Variants in PHTF2 observed in about 807,000 individuals in gnomAD.
PHTF2 encodes the protein putative homeodomain transcription factor 2.
In PHTF2, 60 loss-of-function variants were observed where a neutral mutation model predicts 101.2. The ratio of observed to expected loss-of-function variants is 0.59; its 90% CI spans 0.48 to 0.73. The LOEUF (loss-of-function observed/expected upper bound fraction) is 0.73, where lower values mean the gene tolerates loss of function less well. Ranked by LOEUF, PHTF2 falls within the 30% of genes least tolerant of loss-of-function variation. The probability of loss-of-function intolerance (pLI) is 0.00; values close to 1 mark genes in which losing one functional copy is unlikely to be tolerated. For missense variants in PHTF2, 747 were observed against 908.7 expected, an observed-to-expected ratio of 0.82 and a Z score of 2.29; for synonymous variants, 311 against 307.3, an observed-to-expected ratio of 1.01 and a Z score of -0.13.
At chr7:77,955,365 G>C (rs986887477) in exon 20 of PHTF2, 3 of 152,592 alleles carry the variant, frequency 2.0e-5, no homozygotes, top group African/African-American at 7.2e-5. Flanking sequence ...AACAATGCCA[G>C]GATCCAAACT....
chr7:77,812,911 A>G (rs764274683), intron 1 of PHTF2, among the ~76,000 whole-genome samples: 5 of 152,132 alleles, frequency 3.3e-5, no homozygotes, highest in South Asian at 2.1e-4. Flanking sequence ...ATAATCTTCT[A>G]TTGGATATTT....
At chr7:77,801,784 C>T (rs1466108967) in intron 1 of PHTF2, among the ~76,000 whole-genome samples, 1 of 152,146 alleles carries the variant, frequency 6.6e-6, no homozygotes, top group East Asian at 1.9e-4. Flanking sequence ...AATCCAAAAT[C>T]CAAAATGCTT....
At position 77,920,538 on chromosome 7, in the gene PHTF2, A is replaced by G. The variant is rs1562950810; in HGVS notation, c.963+73A>G. 10 of 1,105,734 alleles carry G rather than the reference A, an allele frequency of 9.0e-6. No individual in the cohort carries two copies. The East Asian group carries it at 1.7e-4, about 18-fold the overall frequency. 68.5% of individuals were successfully genotyped at this position (1,105,734 alleles called of 1,614,324 possible). ...CAATGTAAAGTGACTTAGATATAGT[A>G]GTTGCCCTTGAACTAAGTATTTTCT... On this transcript the variant is annotated intron_variant, in intron 10 of 19. Transcript: ENST00000416283.
chr7:77,864,778 C>T (rs950001003), intron 3 of PHTF2, among the ~76,000 whole-genome samples: 3 of 151,676 alleles, frequency 2.0e-5, no homozygotes, highest in Non-Finnish European at 4.4e-5. Flanking sequence ...AGTGGTATAG[C>T]GCTTTTTTTT....
At chr7:77,866,335 C>G (rs556736939) in intron 3 of PHTF2, among the ~76,000 whole-genome samples, 1 of 152,196 alleles carries the variant, frequency 6.6e-6, no homozygotes, top group Non-Finnish European at 1.5e-5. Context: ...GAGACACAGG[C>G]AAACAAGTTA....
At chr7:77,933,846 TA>T (rs1297895898) in intron 12 of PHTF2, among the ~76,000 whole-genome samples, 1 of 152,136 alleles carries the variant, frequency 6.6e-6, no homozygotes, top group Non-Finnish European at 1.5e-5. Flanking sequence ...TTAAATGATT[TA>T]AAAAATTGTT....
intron 1 of PHTF2, among the ~76,000 whole-genome samples, chr7:77,830,900 A>G (rs1795029441): frequency 6.6e-6 from 1 of 152,250 alleles, no homozygotes; most frequent in Non-Finnish European, 1.5e-5. Flanking sequence ...CCTCAGTCAC[A>G]GATTTGGTTA....
At chr7:77,931,313 C>T (rs550321914) in intron 12 of PHTF2, among the ~76,000 whole-genome samples, 20 of 152,206 alleles carry the variant, frequency 1.3e-4, no homozygotes, top group African/African-American at 4.6e-4. Context: ...AAAGATGAGC[C>T]ACAGGCTGGG....
intron 12 of PHTF2, among the ~76,000 whole-genome samples, chr7:77,934,735 G>T (rs946550259): frequency 6.6e-6 from 1 of 152,158 alleles, no homozygotes; most frequent in African/African-American, 2.4e-5. Flanking sequence ...ATTACTTGAG[G>T]TCAGGAGTTC....
chr7:77,810,472 T>C (rs905646933), intron 1 of PHTF2, among the ~76,000 whole-genome samples: 23 of 152,360 alleles, frequency 1.5e-4, no homozygotes, highest in African/African-American at 5.3e-4. Context: ...CTTGAACCTA[T>C]GTTTTATTTC....
At chr7:77,845,670 T>A (rs1796220668) in intron 2 of PHTF2, among the ~76,000 whole-genome samples, 1 of 152,204 alleles carries the variant, frequency 6.6e-6, no homozygotes, top group Non-Finnish European at 1.5e-5. Flanking sequence ...TGTGTATGTG[T>A]GTGTACTTAA....
chr7:77,872,784 G>A (rs1798624741), intron 3 of PHTF2, among the ~76,000 whole-genome samples: 1 of 152,158 alleles, frequency 6.6e-6, no homozygotes, highest in African/African-American at 2.4e-5. Flanking sequence ...TAGGTCTAAA[G>A]TGACTAATCC....
chr7:77,856,822 T>C (rs1797223936), intron 3 of PHTF2, among the ~76,000 whole-genome samples: 1 of 152,146 alleles, frequency 6.6e-6, no homozygotes, highest in South Asian at 2.1e-4. Context: ...TATGCACATA[T>C]TACACCATCT....
At chr7:77,870,795 A>G (rs1798453763) in intron 3 of PHTF2, among the ~76,000 whole-genome samples, 1 of 152,216 alleles carries the variant, frequency 6.6e-6, no homozygotes, top group Admixed American at 6.5e-5. Context: ...AGCCTAACAT[A>G]ACACAGCTAT....
At chr7:77,836,006 T>G (rs1423742122) in intron 1 of PHTF2, among the ~76,000 whole-genome samples, 2 of 150,120 alleles carry the variant, frequency 1.3e-5, no homozygotes, top group African/African-American at 4.9e-5. Flanking sequence ...TATTCCCAGC[T>G]ACTCGGGAGG....
intron 18 of PHTF2, among the ~76,000 whole-genome samples, chr7:77,952,828 TTCTC>T (rs917944893): frequency 6.6e-6 from 1 of 152,156 alleles, no homozygotes; most frequent in Admixed American, 6.5e-5. Context: ...CGTACCTTCT[TTCTC>T]TCTCTCTTTA....
chr7:77,908,998 T>C, intron 8 of PHTF2, 40 bp downstream of exon 7: 1 of 1,377,918 alleles, frequency 7.3e-7, no homozygotes. Context: ...TACATTTATG[T>C]AATTTGAATC....
intron 3 of PHTF2, among the ~76,000 whole-genome samples, chr7:77,860,588 G>A (rs905810812): frequency 1.3e-5 from 2 of 152,192 alleles, no homozygotes; most frequent in East Asian, 1.9e-4. Flanking sequence ...TAAACACCAA[G>A]TACAGTGCTT....
chr7:77,824,959 C>A (rs1463546286), intron 1 of PHTF2, among the ~76,000 whole-genome samples: 1 of 151,950 alleles, frequency 6.6e-6, no homozygotes, highest in East Asian at 1.9e-4. Context: ...ACACTTGAGA[C>A]CCCAGGAGTT....
Sources: allele counts gnomAD v4.1 joint callset (sites outside exome capture counted in the v4.1 genomes callset), GRCh38; gene constraint gnomAD v4.1.1; transcripts MANE v1.5; gene names NCBI Gene and HGNC (gene_info 2026-07-23, HGNC 2026-07-21).